ERCC6L2: variants seen among roughly 807,000 people sequenced by gnomAD.
The protein encoded by ERCC6L2 is DNA excision repair protein ERCC-6-like 2.
A neutral mutation model predicts 132.0 loss-of-function variants in ERCC6L2; 77 were observed. The observed-to-expected ratio is 0.58, with a 90% CI of 0.49 to 0.71. The LOEUF (loss-of-function observed/expected upper bound fraction) is 0.71. ERCC6L2 is among the 30% of genes least tolerant of loss of function. The probability of loss-of-function intolerance (pLI) is 0.00; values close to 1 mark genes in which losing one functional copy is unlikely to be tolerated. For missense variants in ERCC6L2, 1,542 were observed against 1,837.6 expected, an observed-to-expected ratio of 0.84 and a Z score of 2.94; for synonymous variants, 583 against 632.4, an observed-to-expected ratio of 0.92 and a Z score of 1.17.
chr9:95,875,920 C>T lies in ERCC6L2; in HGVS notation c.-119C>T, dbSNP rs1827226154. The T allele has an allele frequency of 5.4e-6, 6 of 1,111,430 alleles. No homozygotes were observed. Among genetic ancestry groups the T allele is most frequent in the Non-Finnish European group, 7.8e-6 (6 of 768,468 alleles). The allele number at this position is 1,111,430 out of a possible 1,614,324, so 68.8% of individuals were successfully genotyped here. On this transcript the variant is annotated 5_prime_UTR_variant, in exon 1 of 19. Transcript: ENST00000653738. ...GGCTTCGGGTTGCCGAAGAGCGATGCTCGGAGGGCGGCCGGAAGTGGCGTT... is the reference window on the plus strand; with the variant it reads ...GGCTTCGGGTTGCCGAAGAGCGATGTTCGGAGGGCGGCCGGAAGTGGCGTT...
rs1244080198 is a variant in ERCC6L2, at chr9:95,934,239, T to C, written c.1751+5375T>C. Among the ~76,000 whole-genome samples the C allele has an allele frequency of 3.9e-5, 6 of 152,178 alleles. No individual in the cohort carries two copies. The East Asian group carries it at 7.7e-4, about 20-fold the overall frequency. On this transcript the variant is annotated intron_variant, in intron 11 of 18. Transcript: ENST00000653738. ...TTATCATCGTTGTCTTACAGAGTAT[T>C]AAATACAGGATATGTAGATCAGATA...
In ERCC6L2 at chr9:95,972,984, A is replaced by G. The variant is rs1289027812; in HGVS notation, c.3233A>G (p.His1078Arg). ...RTSFSSKLPS[H>R]NKKNSTFIPR... Reference sequence around the variant, plus strand: ...AGTTTTTCTTCAAAATTGCCTAGCCATAATAAGAAAAATAGCACTTTTATT... The same window carrying G: ...AGTTTTTCTTCAAAATTGCCTAGCCGTAATAAGAAAAATAGCACTTTTATT... Residue 1078 changes from histidine (H) to arginine (R), a missense_variant, in exon 16 of 19, where the codon CAT becomes CGT. Coordinates refer to ENST00000653738, the MANE Select transcript of ERCC6L2 (RefSeq NM_020207.7). 2.2e-6 allele frequency: 3 copies of G among 1,346,240 alleles called. No homozygotes were observed. Among genetic ancestry groups the G allele is most frequent in the African/African-American group, 3.0e-5 (2 of 67,456 alleles). The allele number at this position is 1,346,240 out of a possible 1,614,324, so 83.4% of individuals were successfully genotyped here.
chr9:95,960,678 T>G (rs1244821807), intron 13 of ERCC6L2, among the ~76,000 whole-genome samples: 1 of 152,172 alleles, frequency 6.6e-6, no homozygotes, highest in Non-Finnish European at 1.5e-5. Flanking sequence ...CACCTTGATT[T>G]CAGTTTAGTG....
At chr9:95,916,093 A>G in intron 5 of ERCC6L2, 134 bp from the exon 6 acceptor site, 1 of 890,410 alleles carries the variant, frequency 1.1e-6, no homozygotes, top group Non-Finnish European at 1.7e-6. Flanking sequence ...GTCGTAAAGA[A>G]AGAACATTCT....
At chr9:95,962,427 G>A (rs745807459) in intron 13 of ERCC6L2, among the ~76,000 whole-genome samples, 1 of 152,044 alleles carries the variant, frequency 6.6e-6, no homozygotes, top group Admixed American at 6.6e-5. Flanking sequence ...ACTTAGCATT[G>A]CTTGCATTTG....
At chr9:95,997,588 G>A (rs1331209967) in intron 17 of ERCC6L2, among the ~76,000 whole-genome samples, 1 of 152,242 alleles carries the variant, frequency 6.6e-6, no homozygotes, top group African/African-American at 2.4e-5. Flanking sequence ...ACAATATAGT[G>A]TAAGCATAAC....
At chr9:95,885,588 C>T (rs148510142) in intron 2 of ERCC6L2, among the ~76,000 whole-genome samples, 15 of 151,666 alleles carry the variant, frequency 9.9e-5, no homozygotes, top group East Asian at 5.8e-4. Context: ...TGTACATTTA[C>T]GTGATAATTA....
In ERCC6L2 at chr9:96,018,014, C is replaced by G. The variant is rs1434058135; in HGVS notation, c.*4811C>G. On this transcript the variant is annotated 3_prime_UTR_variant, in exon 19 of 19. Coordinates refer to ENST00000653738, the MANE Select transcript of ERCC6L2 (RefSeq NM_020207.7). ...GAAGGACAAATACTGTATGATTCCACTTATATAAAGTACCTAGATTAGTCA... is the reference window on the plus strand; with the variant it reads ...GAAGGACAAATACTGTATGATTCCAGTTATATAAAGTACCTAGATTAGTCA... Among the ~76,000 whole-genome samples the G allele has an allele frequency of 1.3e-5, 2 of 152,154 alleles. No individual in the cohort carries two copies. The highest frequency in any genetic ancestry group is 1.3e-4 in the Admixed American group (2 of 15,286).
intron 12 of ERCC6L2, among the ~76,000 whole-genome samples, chr9:95,946,506 T>G (rs761585913): frequency 3.9e-5 from 6 of 152,138 alleles, no homozygotes; most frequent in Non-Finnish European, 5.9e-5. Flanking sequence ...CCAGCCTGGG[T>G]GACAGAGCGA....
intron 2 of ERCC6L2, among the ~76,000 whole-genome samples, chr9:95,887,123 AC>A (rs1827914923): frequency 6.6e-6 from 1 of 152,028 alleles, no homozygotes; most frequent in South Asian, 2.1e-4. Flanking sequence ...ACCCTAATAC[AC>A]CTGCCTTACA....
At chr9:95,880,586 G>A (rs549051692) in intron 1 of ERCC6L2, among the ~76,000 whole-genome samples, 2 of 152,254 alleles carry the variant, frequency 1.3e-5, no homozygotes, top group Non-Finnish European at 1.5e-5. Flanking sequence ...ATCACTAGAG[G>A]TGGTGTCTAA....
chr9:95,921,201 C>A lies in ERCC6L2; in HGVS notation c.1185C>A (p.Phe395Leu), dbSNP rs1182649809. Reference protein sequence around the residue: ...DRMVYCSLTDFQKAVYQTVLE... With the variant: ...DRMVYCSLTDLQKAVYQTVLE... ...TGGTGTATTGTTCTTTGACAGATTTCCAGAAAGCTGTCTATCAAACAGTGT... is the reference window on the plus strand; with the variant it reads ...TGGTGTATTGTTCTTTGACAGATTTACAGAAAGCTGTCTATCAAACAGTGT... Residue 395 changes from phenylalanine to leucine, a missense_variant, in exon 7 of 19, where the codon TTC (phenylalanine) becomes TTA (leucine). This residue lies in a region of ERCC6L2 where 945 missense variants were observed against 1,105.2 expected (regional missense o/e 0.86). Coordinates refer to ENST00000653738, the MANE Select transcript of ERCC6L2 (RefSeq NM_020207.7). 1.2e-6 allele frequency: 2 copies of A among 1,612,530 alleles called. No individual in the cohort carries two copies. Among genetic ancestry groups the A allele is most frequent in the Non-Finnish European group, 8.5e-7 (1 of 1,179,172 alleles).
At chr9:95,950,615 A>T (rs1831285693) in intron 12 of ERCC6L2, among the ~76,000 whole-genome samples, 1 of 152,188 alleles carries the variant, frequency 6.6e-6, no homozygotes, top group South Asian at 2.1e-4. Context: ...AGGTCCAAGA[A>T]TATACACAGG....
At chr9:95,919,262 C>T (rs1442431953) in intron 6 of ERCC6L2, among the ~76,000 whole-genome samples, 1 of 152,146 alleles carries the variant, frequency 6.6e-6, no homozygotes, top group Non-Finnish European at 1.5e-5. Context: ...TGCTTGTATG[C>T]ACCTTTGCCT....
At chr9:95,984,845 A>G (rs952506030) in intron 17 of ERCC6L2, among the ~76,000 whole-genome samples, 5 of 152,212 alleles carry the variant, frequency 3.3e-5, no homozygotes, top group Non-Finnish European at 7.3e-5. Flanking sequence ...TCCATGAACA[A>G]CTTTCATAGT....
At chr9:95,991,674 G>A (rs553831259) in intron 17 of ERCC6L2, among the ~76,000 whole-genome samples, 1 of 152,286 alleles carries the variant, frequency 6.6e-6, no homozygotes, top group East Asian at 1.9e-4. Context: ...TACCACCATA[G>A]CATTGACACC....
chr9:95,956,799 G>T (rs1831626098), intron 13 of ERCC6L2, among the ~76,000 whole-genome samples: 1 of 152,168 alleles, frequency 6.6e-6, no homozygotes, highest in Non-Finnish European at 1.5e-5. Flanking sequence ...AGCATGTGGG[G>T]ATTATGGGAA....
chr9:95,878,776 G>A (rs201299123), intron 1 of ERCC6L2, among the ~76,000 whole-genome samples: 4,546 of 150,720 alleles, frequency 0.03, 93 homozygotes, highest in East Asian at 0.13. Flanking sequence ...TTGTTCTTGC[G>A]ATAGTTTACT....
At chr9:95,884,637 A>G (rs1245537228) in intron 2 of ERCC6L2, among the ~76,000 whole-genome samples, 2 of 152,160 alleles carry the variant, frequency 1.3e-5, no homozygotes, top group Non-Finnish European at 2.9e-5. Context: ...ATTTAAAAGT[A>G]GGTGAATTTA....
Sources: gnomAD v4.1 joint callset for allele counts (sites outside exome capture counted in the v4.1 genomes callset) on GRCh38, gnomAD v4.1.1 for gene constraint, gnomAD v4.1.1 regional missense constraint, MANE v1.5 for transcripts, NCBI Gene and HGNC (gene_info 2026-07-23, HGNC 2026-07-21) for gene names.